Variants in GRP observed in about 807,000 individuals in gnomAD.
The protein encoded by GRP is gastrin-releasing peptide.
Under a neutral mutation model 12.7 loss-of-function variants are expected in GRP, and 11 were observed. That is an observed-to-expected ratio of 0.87 (90% CI 0.55 to 1.44). GRP has a LOEUF of 1.44. Ranked by LOEUF, GRP falls within the 40% of genes most tolerant of loss-of-function variation. The probability of loss-of-function intolerance (pLI) is 0.00; values close to 1 mark genes in which losing one functional copy is unlikely to be tolerated. For missense variants in GRP, 212 were observed against 185.4 expected (o/e 1.14, Z -0.83); for synonymous variants, 84 against 77.7 (o/e 1.08, Z -0.43).
chr18:59,223,481 C>A (rs1450475657), intron 1 of GRP, among the ~76,000 whole-genome samples: 1 of 140,272 alleles, frequency 7.1e-6, no homozygotes, highest in Non-Finnish European at 1.6e-5. Context: ...AGTACAATCA[C>A]AGAATGGAGA....
chr18:59,227,051 T>TTCTC (rs989045970), intron 2 of GRP, among the ~76,000 whole-genome samples: 1 of 135,452 alleles, frequency 7.4e-6, no homozygotes, highest in Non-Finnish European at 1.6e-5. Context: ...CTTTCTTTCT[T>TTCTC]TCTTCCTTTC....
At chr18:59,219,899 G>A (rs914072189), upstream of GRP, among the ~76,000 whole-genome samples, 6 of 152,146 alleles carry the variant, frequency 3.9e-5, no homozygotes, top group African/African-American at 1.4e-4. Flanking sequence ...ACTAAATTGT[G>A]TTGGATGGAA....
intron 1 of GRP, among the ~76,000 whole-genome samples, chr18:59,221,595 C>CTGTGTGTGTGTGTGTG (rs143541111): frequency 0.016 from 2,327 of 149,830 alleles, 25 homozygotes; most frequent in Non-Finnish European, 0.021. Context: ...GTGTGTGTCT[C>CTGTGTGTGTGTGTGTG]TGTGTGTGTG....
chr18:59,222,587 G>A (rs1209533313), intron 1 of GRP, among the ~76,000 whole-genome samples: 1 of 152,170 alleles, frequency 6.6e-6, no homozygotes, highest in Non-Finnish European at 1.5e-5. Flanking sequence ...GATGAATGAT[G>A]TTACACTTCA....
At chr18:59,226,578 A>G (rs2069924998) in intron 2 of GRP, among the ~76,000 whole-genome samples, 1 of 152,178 alleles carries the variant, frequency 6.6e-6, no homozygotes, top group Admixed American at 6.5e-5. Context: ...TCTCCATTTT[A>G]GAGGTAAGGA....
At chr18:59,229,273 G>A (rs1329376745) in intron 2 of GRP, among the ~76,000 whole-genome samples, 1 of 152,048 alleles carries the variant, frequency 6.6e-6, no homozygotes. Context: ...GATCTTCCTA[G>A]GTTCCACAAC....
chr18:59,227,607 T>C (rs940513875), intron 2 of GRP, among the ~76,000 whole-genome samples: 1 of 152,198 alleles, frequency 6.6e-6, no homozygotes, highest in Non-Finnish European at 1.5e-5. Context: ...TTTGCAAACA[T>C]TGAACTGGAC....
intron 2 of GRP, among the ~76,000 whole-genome samples, chr18:59,229,505 G>A (rs1444389262): frequency 8.5e-5 from 13 of 152,130 alleles, no homozygotes; most frequent in Admixed American, 4.6e-4. Context: ...ATTGGCATGC[G>A]TGGGAATCAA....
chr18:59,229,678 T>G (rs1377452614), intron 2 of GRP, among the ~76,000 whole-genome samples: 6 of 152,242 alleles, frequency 3.9e-5, no homozygotes, highest in African/African-American at 1.2e-4. Flanking sequence ...TAATAAGCTC[T>G]TAGTCTCAAC....
chr18:59,227,006 T>TTTCC, intron 2 of GRP, among the ~76,000 whole-genome samples: 7 of 126,466 alleles, frequency 5.5e-5, no homozygotes, highest in African/African-American at 2.2e-4. Flanking sequence ...TCTTTCTTTC[T>TTTCC]TTCTTTCTTT....
chr18:59,220,646 C>A (rs1410319447), intron 1 of GRP, among the ~76,000 whole-genome samples: 1 of 152,204 alleles, frequency 6.6e-6, no homozygotes, highest in African/African-American at 2.4e-5. Context: ...CTTTCCCGCT[C>A]GCTTCCAGCC....
intron 2 of GRP, among the ~76,000 whole-genome samples, chr18:59,229,779 CTTAG>C (rs2070001796): frequency 6.6e-6 from 1 of 152,118 alleles, no homozygotes; most frequent in Non-Finnish European, 1.5e-5. Flanking sequence ...TTTCTTTAGC[CTTAG>C]TTAATTTGAG....
chr18:59,220,914 C>T (rs2069821766), intron 1 of GRP, among the ~76,000 whole-genome samples: 2 of 152,248 alleles, frequency 1.3e-5, no homozygotes, highest in South Asian at 4.1e-4. Context: ...GGTGTGGGGA[C>T]CTAGGGTGCA....
At chr18:59,221,115 T>C (rs993128089) in intron 1 of GRP, among the ~76,000 whole-genome samples, 5 of 152,250 alleles carry the variant, frequency 3.3e-5, no homozygotes, top group Non-Finnish European at 5.9e-5. Flanking sequence ...TCCAAGCTCA[T>C]CCCGATCTCT....
At chr18:59,225,075 C>T (rs749843638) in intron 1 of GRP, among the ~76,000 whole-genome samples, 10 of 152,112 alleles carry the variant, frequency 6.6e-5, no homozygotes, top group Non-Finnish European at 1.0e-4. Flanking sequence ...GTTTAAACTC[C>T]ATCTTTCAGC....
At chr18:59,226,771 T>G (rs2069928060) in intron 2 of GRP, among the ~76,000 whole-genome samples, 1 of 152,178 alleles carries the variant, frequency 6.6e-6, no homozygotes, top group Non-Finnish European at 1.5e-5. Flanking sequence ...TGCTTTCCAC[T>G]CACAGTACTG....
chr18:59,219,231 G>A (rs1041393329), upstream of GRP, among the ~76,000 whole-genome samples: 2 of 151,488 alleles, frequency 1.3e-5, no homozygotes, highest in African/African-American at 4.9e-5. Flanking sequence ...AGGGAAACTG[G>A]CATAAAGCAG....
intron 1 of GRP, among the ~76,000 whole-genome samples, chr18:59,222,299 G>A (rs979221163): frequency 6.6e-6 from 1 of 152,196 alleles, no homozygotes; most frequent in Non-Finnish European, 1.5e-5. Context: ...CTGTCTCCAG[G>A]TATTTAGGGT....
chr18:59,220,287 C>T lies in GRP; in HGVS notation c.22C>T (p.Leu8=), dbSNP rs746684602. ...GACCATGCGCGGCCGTGAGCTCCCGCTGGTCCTGCTGGCGCTGGTCCTCTG... is the reference window on the plus strand; with the variant it reads ...GACCATGCGCGGCCGTGAGCTCCCGTTGGTCCTGCTGGCGCTGGTCCTCTG... MRGRELP[L]VLLALVLCLA... Residue 8 remains leucine, a synonymous_variant, in exon 1 of 3, where the codon CTG becomes TTG. Transcript: ENST00000256857. The T allele has an allele frequency of 6.0e-6, 9 of 1,505,458 alleles. No homozygotes were observed. Among genetic ancestry groups the T allele is most frequent in the Non-Finnish European group, 8.0e-6 (9 of 1,131,760 alleles). 93.3% of individuals were successfully genotyped at this position (1,505,458 alleles called of 1,614,324 possible). A position where few individuals can be genotyped will look rare whatever the true frequency, so the allele number is the denominator to read the frequency against.
Sources: allele counts gnomAD v4.1 joint callset (sites outside exome capture counted in the v4.1 genomes callset), GRCh38; gene constraint gnomAD v4.1.1; transcripts MANE v1.5; gene names NCBI Gene and HGNC (gene_info 2026-07-23, HGNC 2026-07-21).